The following RABGAP1L variants were observed in gnomAD, a reference collection of about 807,000 sequenced individuals.
RABGAP1L encodes rab GTPase-activating protein 1-like.
A neutral mutation model predicts 137.7 loss-of-function variants in RABGAP1L; 63 were observed. The observed-to-expected ratio is 0.46, with a 90% CI of 0.37 to 0.56. The LOEUF is 0.56. Ranked by LOEUF, RABGAP1L falls within the 20% of genes least tolerant of loss-of-function variation. RABGAP1L has a pLI of 0.00. For synonymous variants in RABGAP1L, 431 were observed against 433.7 expected, an observed-to-expected ratio of 0.99 and a Z score of 0.08; for missense variants, 1,095 against 1,244.0, an observed-to-expected ratio of 0.88 and a Z score of 1.80.
chr1:174,521,410 A>C (rs575671019), intron 13 of RABGAP1L, among the ~76,000 whole-genome samples: 1 of 152,354 alleles, frequency 6.6e-6, no homozygotes, highest in Admixed American at 6.5e-5. Context: ...AGTTTTGGAA[A>C]GGTACAGCTA....
chr1:174,698,709 GAT>G (rs1347880878), intron 15 of RABGAP1L, among the ~76,000 whole-genome samples: 2 of 149,878 alleles, frequency 1.3e-5, no homozygotes, highest in African/African-American at 4.9e-5. Context: ...TATATACTGA[GAT>G]AGAAAGATTT....
chr1:174,416,291 A>G (rs748007105), intron 13 of RABGAP1L, among the ~76,000 whole-genome samples: 4 of 151,990 alleles, frequency 2.6e-5, no homozygotes, highest in Non-Finnish European at 5.9e-5. Context: ...TAAAAAGGAA[A>G]CTGCTCATCA....
intron 1 of RABGAP1L, among the ~76,000 whole-genome samples, chr1:174,169,156 G>C (rs1448429977): frequency 6.6e-6 from 1 of 151,886 alleles, no homozygotes; most frequent in Non-Finnish European, 1.5e-5. Context: ...GATGAAACAG[G>C]TTTCTCCTGT....
At chr1:174,479,161 G>A (rs1401706042) in intron 13 of RABGAP1L, among the ~76,000 whole-genome samples, 1 of 152,194 alleles carries the variant, frequency 6.6e-6, no homozygotes, top group African/African-American at 2.4e-5. Flanking sequence ...AAGCAGGGTT[G>A]GCATGGGCCT....
At chr1:174,689,532 T>C (rs1678723851) in intron 15 of RABGAP1L, among the ~76,000 whole-genome samples, 1 of 152,146 alleles carries the variant, frequency 6.6e-6, no homozygotes, top group Non-Finnish European at 1.5e-5. Context: ...TTTATTGTCT[T>C]AATTATGTTA....
intron 12 of RABGAP1L, among the ~76,000 whole-genome samples, chr1:174,386,181 G>T (rs1369967004): frequency 1.3e-5 from 2 of 152,192 alleles, no homozygotes; most frequent in East Asian, 3.9e-4. Flanking sequence ...ATAACTGACA[G>T]TTCAGTGTAC....
chr1:174,755,119 A>AT (rs1163291768), intron 18 of RABGAP1L, among the ~76,000 whole-genome samples: 2 of 152,134 alleles, frequency 1.3e-5, no homozygotes, highest in South Asian at 2.1e-4. Flanking sequence ...TGGATTTATA[A>AT]TTTTTTTGAA....
intron 25 of RABGAP1L, among the ~76,000 whole-genome samples, chr1:174,989,410 A>T (rs1671887370): frequency 6.6e-6 from 1 of 152,112 alleles, no homozygotes; most frequent in Non-Finnish European, 1.5e-5. Flanking sequence ...CCTCCACCAC[A>T]CCAGCCAGCT....
At chr1:174,403,804 A>AT (rs35567032) in intron 13 of RABGAP1L, among the ~76,000 whole-genome samples, 30,919 of 143,264 alleles carry the variant, frequency 0.22, 3,466 homozygotes, top group Admixed American at 0.25. Context: ...CTGGTTTGGG[A>AT]TTTTTTTTTT....
At chr1:174,581,884 G>T (rs1186748421) in intron 13 of RABGAP1L, among the ~76,000 whole-genome samples, 2 of 152,160 alleles carry the variant, frequency 1.3e-5, no homozygotes, top group Non-Finnish European at 2.9e-5. Context: ...AAAGGAAGGA[G>T]AATGCATATA....
intron 13 of RABGAP1L, among the ~76,000 whole-genome samples, chr1:174,442,662 A>G (rs1312335639): frequency 2.0e-5 from 3 of 152,178 alleles, no homozygotes; most frequent in Non-Finnish European, 2.9e-5. Flanking sequence ...CATGCATACA[A>G]TGTGTAATGA....
intron 13 of RABGAP1L, among the ~76,000 whole-genome samples, chr1:174,585,035 T>G (rs1669016546): frequency 6.6e-6 from 1 of 152,208 alleles, no homozygotes. Context: ...TCATACTATA[T>G]TTGAAAGACT....
intron 1 of RABGAP1L, among the ~76,000 whole-genome samples, chr1:174,182,911 T>C (rs1399696186): frequency 6.6e-6 from 1 of 152,208 alleles, no homozygotes; most frequent in Non-Finnish European, 1.5e-5. Context: ...CTAAGTTATT[T>C]ATATTTATTA....
chr1:174,569,396 C>T (rs1464869793), intron 13 of RABGAP1L, among the ~76,000 whole-genome samples: 1 of 152,166 alleles, frequency 6.6e-6, no homozygotes, highest in Non-Finnish European at 1.5e-5. Flanking sequence ...GCCAGGGCTG[C>T]ACGGTAGAAT....
intron 13 of RABGAP1L, among the ~76,000 whole-genome samples, chr1:174,635,266 G>A (rs977552180): frequency 3.9e-5 from 6 of 152,068 alleles, no homozygotes; most frequent in Non-Finnish European, 8.8e-5. Context: ...TACAAAAAGA[G>A]TTATCCTGCG....
intron 5 of RABGAP1L, 57 bp from the exon 6 acceptor site, chr1:174,250,418 A>C: frequency 7.4e-7 from 1 of 1,355,868 alleles, no homozygotes; most frequent in Non-Finnish European, 1.0e-6. Context: ...GGAGAGAAGG[A>C]TATCAGAATG....
At chr1:174,255,855 C>G (rs1381067331) in intron 7 of RABGAP1L, among the ~76,000 whole-genome samples, 1 of 152,204 alleles carries the variant, frequency 6.6e-6, no homozygotes, top group East Asian at 1.9e-4. Context: ...CCCTGCTACT[C>G]GCTATACACA....
intron 18 of RABGAP1L, among the ~76,000 whole-genome samples, chr1:174,773,163 G>GGTGGGTGTGTGTGTGTGT (rs1686257052): frequency 6.7e-6 from 1 of 149,548 alleles, no homozygotes; most frequent in Non-Finnish European, 1.5e-5. Flanking sequence ...TAAGCTATGG[G>GGTGGGTGTGTGTGTGTGT]GTGTGTGTGT....
intron 20 of RABGAP1L, among the ~76,000 whole-genome samples, chr1:174,958,862 A>T (rs138062679): frequency 6.6e-6 from 1 of 152,272 alleles, no homozygotes; most frequent in East Asian, 1.9e-4. Flanking sequence ...CTCATCTATA[A>T]AAGATATAGT....
Sources: allele counts gnomAD v4.1 joint callset (sites outside exome capture counted in the v4.1 genomes callset), GRCh38; gene constraint gnomAD v4.1.1; transcripts MANE v1.5; gene names NCBI Gene and HGNC (gene_info 2026-07-23, HGNC 2026-07-21).